ENPEP: variants seen among roughly 807,000 people sequenced by gnomAD.
ENPEP encodes the protein AP-A.
Under a neutral mutation model 114.5 loss-of-function variants are expected in ENPEP, and 103 were observed. That is an observed-to-expected ratio of 0.90 (90% CI 0.77 to 1.06). The LOEUF (loss-of-function observed/expected upper bound fraction) is 1.06. Ranked by LOEUF, ENPEP falls within the 50% of genes least tolerant of loss-of-function variation. The probability of loss-of-function intolerance (pLI) is 0.00; values close to 1 mark genes in which losing one functional copy is unlikely to be tolerated. For synonymous variants in ENPEP, 420 were observed against 422.0 expected, an observed-to-expected ratio of 1.00 and a Z score of 0.06; for missense variants, 1,196 against 1,161.3, an observed-to-expected ratio of 1.03 and a Z score of -0.43.
chr4:110,502,904 C>CT (rs1047204115), intron 3 of ENPEP, among the ~76,000 whole-genome samples: 1 of 151,120 alleles, frequency 6.6e-6, no homozygotes, highest in African/African-American at 2.4e-5. Context: ...TCGATGTTTT[C>CT]TTTTTTTTTA....
At chr4:110,483,716 C>T (rs777127875) in intron 1 of ENPEP, among the ~76,000 whole-genome samples, 3 of 152,154 alleles carry the variant, frequency 2.0e-5, no homozygotes, top group East Asian at 1.9e-4. Flanking sequence ...ATTTGCCTGG[C>T]GCGATAATTA....
chr4:110,488,162 T>C (rs1054678080), intron 1 of ENPEP, among the ~76,000 whole-genome samples: 12 of 152,220 alleles, frequency 7.9e-5, no homozygotes, highest in African/African-American at 2.9e-4. Context: ...TTTGTGTTTA[T>C]CTACTTGTTG....
chr4:110,518,342 T>C (rs1725858007), intron 8 of ENPEP, among the ~76,000 whole-genome samples: 1 of 152,202 alleles, frequency 6.6e-6, no homozygotes, highest in Non-Finnish European at 1.5e-5. Flanking sequence ...ATGGGTCAGC[T>C]GGAAAATGTC....
intron 13 of ENPEP, among the ~76,000 whole-genome samples, chr4:110,545,360 A>G (rs1727015756): frequency 6.6e-6 from 1 of 152,050 alleles, no homozygotes; most frequent in Non-Finnish European, 1.5e-5. Flanking sequence ...TTTACCCATC[A>G]CCACTAGTTC....
intron 10 of ENPEP, among the ~76,000 whole-genome samples, chr4:110,527,766 G>A (rs546489181): frequency 6.6e-6 from 1 of 152,182 alleles, no homozygotes; most frequent in African/African-American, 2.4e-5. Context: ...TTTCTCTCTT[G>A]AGAAATAAAC....
intron 11 of ENPEP, chr4:110,533,438 G>T (rs1222479097): frequency 7.5e-6 from 1 of 133,656 alleles, no homozygotes; most frequent in Non-Finnish European, 1.6e-5. Context: ...AAAAAAAAAA[G>T]CAATCCTAAC....
chr4:110,564,038 G>T lies in ENPEP; in HGVS notation c.*2480G>T, dbSNP rs867230803. 1 of 151,204 alleles carries T rather than the reference G, an allele frequency of 6.6e-6. No individual in the cohort carries two copies. Among genetic ancestry groups the T allele is most frequent in the Admixed American group, 6.6e-5 (1 of 15,142 alleles). The allele number at this position is 151,204 out of a possible 1,614,324, so 9.4% of individuals were successfully genotyped here. A position where few individuals can be genotyped will look rare whatever the true frequency, so the allele number is the denominator to read the frequency against. ...GATGAGAAGGAAGTAGAAAAGAGGG[G>T]ATTCAAATTACCAGTGGTGCTTTCT... On this transcript the variant is annotated 3_prime_UTR_variant, in exon 20 of 20. Transcript: ENST00000265162.
intron 1 of ENPEP, among the ~76,000 whole-genome samples, chr4:110,480,733 A>T (rs915992249): frequency 1.3e-5 from 2 of 152,206 alleles, no homozygotes; most frequent in Non-Finnish European, 2.9e-5. Flanking sequence ...AGACATGGGG[A>T]AGAAAGGGGA....
intron 17 of ENPEP, among the ~76,000 whole-genome samples, chr4:110,551,528 T>G (rs1727283515): frequency 6.6e-6 from 1 of 152,152 alleles, no homozygotes; most frequent in South Asian, 2.1e-4. Flanking sequence ...AGTACGAGCT[T>G]CCTTGGAATC....
chr4:110,534,364 T>C (rs1264523427), intron 11 of ENPEP, among the ~76,000 whole-genome samples: 2 of 152,148 alleles, frequency 1.3e-5, no homozygotes, highest in East Asian at 3.9e-4. Context: ...GAATAATCTC[T>C]CCTGTCATCA....
In ENPEP at chr4:110,520,388, A is replaced by G. The variant is rs199540713; in HGVS notation, c.1727+22A>G. 28 of 1,610,762 alleles carry G rather than the reference A, an allele frequency of 1.7e-5. No individual in the cohort carries two copies. In the Admixed American group the frequency reaches 4.5e-4, roughly 26 times the overall value. ...TTGGGTAAGGCTCTATAATGCATTG[A>G]AAAAAACACAGAAATTTGGCAGAAA... is the stretch of plus-strand genomic sequence containing the variant. On this transcript the variant is annotated intron_variant, in intron 10 of 19. Transcript: ENST00000265162.
chr4:110,485,923 T>C (rs1184768176), intron 1 of ENPEP, among the ~76,000 whole-genome samples: 1 of 152,166 alleles, frequency 6.6e-6, no homozygotes, highest in Non-Finnish European at 1.5e-5. Context: ...TTATTACTGA[T>C]GCTTCCTTTG....
intron 10 of ENPEP, among the ~76,000 whole-genome samples, chr4:110,525,351 C>G (rs1031499916): frequency 6.6e-6 from 1 of 152,202 alleles, no homozygotes; most frequent in African/African-American, 2.4e-5. Context: ...CTGAGCCCCT[C>G]CTAGAGTGGA....
rs372513067 is a variant in ENPEP, at chr4:110,494,118, C to T, written c.918+2954C>T. ...GAAAAACCAAAAAGTGACGAGAAAA[C>T]GATCAGAAATAGTAGTCAGAGTTTT... is the stretch of plus-strand genomic sequence containing the variant. On this transcript the variant is annotated intron_variant, in intron 3 of 19. Transcript: ENST00000265162. Among the ~76,000 whole-genome samples the T allele has an allele frequency of 1.9e-3, 292 of 152,182 alleles. 10 individuals carry two copies. In the South Asian group the frequency reaches 0.058, roughly 30 times the overall value.
intron 6 of ENPEP, chr4:110,513,124 T>C (rs1390133456): frequency 4.5e-6 from 1 of 220,336 alleles, no homozygotes; most frequent in Non-Finnish European, 8.9e-6. Flanking sequence ...CTTGAAAAGT[T>C]TGGCACATAT....
intron 13 of ENPEP, 116 bp from the exon 14 acceptor site, chr4:110,548,060 T>C: frequency 8.7e-7 from 1 of 1,144,798 alleles, no homozygotes; most frequent in Non-Finnish European, 1.1e-6. Flanking sequence ...GGAAGAATCC[T>C]CATTAACATG....
intron 10 of ENPEP, among the ~76,000 whole-genome samples, chr4:110,526,092 A>G (rs1360157931): frequency 1.3e-5 from 2 of 152,112 alleles, no homozygotes; most frequent in Admixed American, 6.6e-5. Context: ...CCTGGCCAAC[A>G]TGATGAAACC....
At chr4:110,552,881 A>G (rs1479049755) in intron 17 of ENPEP, among the ~76,000 whole-genome samples, 2 of 152,120 alleles carry the variant, frequency 1.3e-5, no homozygotes, top group Non-Finnish European at 2.9e-5. Context: ...CCTATAGAAT[A>G]TAAGAGCATA....
At chr4:110,488,458 T>G in intron 1 of ENPEP, 83 bp from the exon 2 acceptor site, 1 of 1,414,342 alleles carries the variant, frequency 7.1e-7, no homozygotes, top group Non-Finnish European at 9.2e-7. Context: ...CATAGCTGAT[T>G]TTTTTTTCCC....
Sources: allele counts gnomAD v4.1 joint callset (sites outside exome capture counted in the v4.1 genomes callset), GRCh38; gene constraint gnomAD v4.1.1; transcripts MANE v1.5; gene names NCBI Gene and HGNC (gene_info 2026-07-23, HGNC 2026-07-21).